MCPH1: variants seen among roughly 807,000 people sequenced by gnomAD.
MCPH1 encodes the protein microcephalin 1.
A neutral mutation model predicts 84.5 loss-of-function variants in MCPH1; 104 were observed. The observed-to-expected ratio is 1.23, with a 90% CI of 1.05 to 1.45. The LOEUF is 1.45. MCPH1 is among the 40% of genes most tolerant of loss of function. The pLI is 0.00. For missense variants in MCPH1, 1,498 were observed against 1,005.7 expected (o/e 1.49, Z -6.62); for synonymous variants, 514 against 366.8 (o/e 1.40, Z -4.58).
At chr8:6,576,682 A>ATTTTTTTTTTT (rs58486084) in intron 12 of MCPH1, among the ~76,000 whole-genome samples, 12 of 42,348 alleles carry the variant, frequency 2.8e-4, no homozygotes, top group East Asian at 7.6e-4. Flanking sequence ...TAATTTTTGT[A>ATTTTTTTTTTT]TTTTTTTTTT....
chr8:6,414,640 C>A, intron 2 of MCPH1, 125 bp from the exon 3 acceptor site: 1 of 997,982 alleles, frequency 1.0e-6, no homozygotes, highest in Non-Finnish European at 1.5e-6. Context: ...GTTATGCATT[C>A]CTTTGAGTGT....
At chr8:6,608,930 C>G (rs188637392) in intron 12 of MCPH1, among the ~76,000 whole-genome samples, 1 of 152,190 alleles carries the variant, frequency 6.6e-6, no homozygotes, top group African/African-American at 2.4e-5. Context: ...AACATTCTAA[C>G]AGCTTCCCAG....
At chr8:6,519,305 G>A (rs1465224380) in intron 12 of MCPH1, among the ~76,000 whole-genome samples, 3 of 152,116 alleles carry the variant, frequency 2.0e-5, no homozygotes, top group African/African-American at 4.8e-5. Context: ...CTGTGTTAGC[G>A]TTTGCTCAGA....
intron 12 of MCPH1, among the ~76,000 whole-genome samples, chr8:6,588,189 C>T (rs762697402): frequency 1.3e-5 from 2 of 152,124 alleles, no homozygotes; most frequent in Admixed American, 6.5e-5. Flanking sequence ...ACTGTGCCTC[C>T]TGTCCCCTCC....
At chr8:6,605,042 C>G (rs979049702) in intron 12 of MCPH1, among the ~76,000 whole-genome samples, 3 of 152,026 alleles carry the variant, frequency 2.0e-5, no homozygotes, top group African/African-American at 7.2e-5. Flanking sequence ...TCAGGTCACC[C>G]CGACAGGACC....
intron 8 of MCPH1, among the ~76,000 whole-genome samples, chr8:6,450,089 T>A (rs1411494932): frequency 1.3e-5 from 2 of 152,230 alleles, no homozygotes; most frequent in Non-Finnish European, 2.9e-5. Context: ...CAGCACCTTG[T>A]ACATACGTGT....
intron 12 of MCPH1, among the ~76,000 whole-genome samples, chr8:6,512,595 C>T: frequency 6.6e-6 from 1 of 152,208 alleles, no homozygotes; most frequent in Non-Finnish European, 1.5e-5. Flanking sequence ...CACTTCTCTG[C>T]CCCTCCCGTT....
chr8:6,497,298 C>G (rs1460383652), intron 11 of MCPH1, among the ~76,000 whole-genome samples: 3 of 149,740 alleles, frequency 2.0e-5, no homozygotes, highest in African/African-American at 4.9e-5. Context: ...CTGACCAACA[C>G]TGTGAAACCC....
chr8:6,636,153 A>G (rs903829805), intron 13 of MCPH1, among the ~76,000 whole-genome samples: 5 of 152,180 alleles, frequency 3.3e-5, no homozygotes, highest in African/African-American at 1.2e-4. Flanking sequence ...AGCCTGGCCA[A>G]CATGGCAAAA....
At position 6,416,718 on chromosome 8, in the gene MCPH1, A is replaced by G. The variant is rs1000089337; in HGVS notation, c.233+1835A>G. 1.3e-5 allele frequency among the ~76,000 whole-genome samples: 2 copies of G among 152,082 alleles called. 1 individual carries two copies. Among genetic ancestry groups the G allele is most frequent in the African/African-American group, 4.8e-5 (2 of 41,414 alleles). On this transcript the variant is annotated intron_variant, in intron 3 of 13. Coordinates refer to ENST00000344683, the MANE Select transcript of MCPH1 (RefSeq NM_024596.5). ...CTTTTTAATTGTTGGAACAGGCCGGATGCGGTGGCTCACACCTGTAATTCC... is the reference window on the plus strand; with the variant it reads ...CTTTTTAATTGTTGGAACAGGCCGGGTGCGGTGGCTCACACCTGTAATTCC...
At chr8:6,609,297 G>A (rs1018159131) in intron 12 of MCPH1, among the ~76,000 whole-genome samples, 3 of 152,300 alleles carry the variant, frequency 2.0e-5, no homozygotes, top group Admixed American at 6.5e-5. Context: ...GAGCATGAGC[G>A]TGTGCCCACT....
rs187011617 is a variant in MCPH1, at chr8:6,412,679, C to T, written c.115-2086C>T. Among the ~76,000 whole-genome samples the T allele has an allele frequency of 2.6e-5, 4 of 152,238 alleles. No individual in the cohort carries two copies. In the East Asian group the frequency reaches 7.7e-4, roughly 29 times the overall value. On this transcript the variant is annotated intron_variant, in intron 2 of 13. Coordinates refer to ENST00000344683, the MANE Select transcript of MCPH1 (RefSeq NM_024596.5). ...CAATTTTCGTCCTGTTTAGTGTGTA[C>T]TAAATTTGATAAAAGCCTTGTGGGA...
intron 12 of MCPH1, among the ~76,000 whole-genome samples, chr8:6,602,074 C>G (rs950070301): frequency 6.6e-6 from 1 of 152,184 alleles, no homozygotes. Flanking sequence ...AGAGAAGGCT[C>G]TCCATAAACT....
At chr8:6,448,630 T>G (rs1391926097) in intron 8 of MCPH1, among the ~76,000 whole-genome samples, 2 of 152,222 alleles carry the variant, frequency 1.3e-5, no homozygotes, top group South Asian at 4.1e-4. Flanking sequence ...ACATTTCTTG[T>G]GTGTGTGTCT....
chr8:6,477,555 T>C, intron 9 of MCPH1, 39 bp from the exon 10 acceptor site: 1 of 1,590,596 alleles, frequency 6.3e-7, no homozygotes, highest in Non-Finnish European at 8.6e-7. Context: ...TTTTTATGTT[T>C]TTGACTGTTT....
At chr8:6,509,083 A>G in intron 12 of MCPH1, 1 of 1,610,808 alleles carries the variant, frequency 6.2e-7, no homozygotes, top group Non-Finnish European at 8.5e-7. Flanking sequence ...GCAAAGAAAA[A>G]AAACACATTG....
chr8:6,567,483 T>C (rs1826294444), intron 12 of MCPH1, among the ~76,000 whole-genome samples: 1 of 152,158 alleles, frequency 6.6e-6, no homozygotes, highest in Non-Finnish European at 1.5e-5. Context: ...CGGGATAGAA[T>C]AGGTGCTTAG....
chr8:6,515,088 G>GT (rs1554519018), intron 12 of MCPH1, among the ~76,000 whole-genome samples: 4 of 151,986 alleles, frequency 2.6e-5, no homozygotes, highest in East Asian at 3.8e-4. Context: ...AGAGATTGCT[G>GT]TTTTTTTAGA....
intron 11 of MCPH1, among the ~76,000 whole-genome samples, chr8:6,495,862 A>G (rs1412033767): frequency 6.6e-6 from 1 of 152,230 alleles, no homozygotes; most frequent in Non-Finnish European, 1.5e-5. Flanking sequence ...CTACATTCCT[A>G]TGGCTTACGA....
Sources: gnomAD v4.1 joint callset for allele counts (sites outside exome capture counted in the v4.1 genomes callset) on GRCh38, gnomAD v4.1.1 for gene constraint, MANE v1.5 for transcripts, NCBI Gene and HGNC (gene_info 2026-07-23, HGNC 2026-07-21) for gene names.